Variants in RFX4 observed in about 807,000 individuals in gnomAD.
RFX4 encodes the protein transcription factor RFX4.
Under a neutral mutation model 95.0 loss-of-function variants are expected in RFX4, and 10 were observed. That is an observed-to-expected ratio of 0.11 (90% CI 0.06 to 0.18). The LOEUF is 0.18. Among genes scored for constraint, RFX4 ranks in the 10% least tolerant of loss-of-function variants. The probability of loss-of-function intolerance (pLI) is 1.00; values close to 1 mark genes in which losing one functional copy is unlikely to be tolerated. For missense variants in RFX4, 640 were observed against 922.0 expected, an observed-to-expected ratio of 0.69 and a Z score of 3.96; for synonymous variants, 321 against 340.7, an observed-to-expected ratio of 0.94 and a Z score of 0.64.
intron 5 of RFX4, 54 bp downstream of exon 5, chr12:106,682,108 A>C: frequency 1.3e-6 from 2 of 1,564,914 alleles, no homozygotes; most frequent in Non-Finnish European, 8.8e-7. Context: ...GGGCCTCGAG[A>C]CAGGCCACAC....
intron 1 of RFX4, among the ~76,000 whole-genome samples, chr12:106,583,917 G>A (rs989151798): frequency 1.3e-5 from 2 of 152,168 alleles, no homozygotes; most frequent in Admixed American, 1.3e-4. Context: ...CCGGTGGTCC[G>A]GGGGAATCCG....
Position 106,720,721 on chromosome 12 carries a change from C to G in RFX4, c.1234-38C>G. 1 of 1,577,454 alleles carries G rather than the reference C, an allele frequency of 6.3e-7. No individual in the cohort carries two copies. Among genetic ancestry groups the G allele is most frequent in the Non-Finnish European group, 8.7e-7 (1 of 1,146,840 alleles). ...AAAGAGACAGTAATAAATGAAAGGT[C>G]AAGTCGACCACTATTAAAGCCATTT... is the stretch of plus-strand genomic sequence containing the variant. On this transcript the variant is annotated intron_variant, in intron 12 of 17. Transcript: ENST00000392842. This position sits in a 1 kb window ranked among gnomAD's most constrained non-coding sequence, Gnocchi z 4.2.
At chr12:106,666,949 A>G (rs2041189067) in intron 4 of RFX4, among the ~76,000 whole-genome samples, 1 of 151,984 alleles carries the variant, frequency 6.6e-6, no homozygotes, top group African/African-American at 2.4e-5. Flanking sequence ...CATGCCTTGT[A>G]ATTCTTTCTT....
At chr12:106,695,094 C>A (rs931404061) in intron 7 of RFX4, among the ~76,000 whole-genome samples, 5 of 152,118 alleles carry the variant, frequency 3.3e-5, no homozygotes, top group African/African-American at 9.7e-5. Context: ...ACTAGAGGGA[C>A]TCAATTATCT....
chr12:106,699,557 G>A (rs2041946826), intron 8 of RFX4, among the ~76,000 whole-genome samples: 1 of 152,120 alleles, frequency 6.6e-6, no homozygotes, highest in South Asian at 2.1e-4. Context: ...TTTGCTTCAT[G>A]TATTTTGAAG....
chr12:106,609,236 G>A (rs2039905709), intron 2 of RFX4, among the ~76,000 whole-genome samples: 1 of 152,214 alleles, frequency 6.6e-6, no homozygotes, highest in Admixed American at 6.5e-5. Flanking sequence ...GTAAATATGG[G>A]TTCAAAGTAG....
At chr12:106,689,192 C>A in intron 6 of RFX4, 95 bp from the exon 7 acceptor site, 1 of 1,043,728 alleles carries the variant, frequency 9.6e-7, no homozygotes, top group Non-Finnish European at 1.5e-6. Context: ...ATCCCCCCCA[C>A]AGGGAAGAAA....
chr12:106,621,966 T>G (rs2040195526), intron 2 of RFX4, among the ~76,000 whole-genome samples: 1 of 152,224 alleles, frequency 6.6e-6, no homozygotes, highest in South Asian at 2.1e-4. Flanking sequence ...GTATATTTTA[T>G]CTAGCTTTTA....
chr12:106,615,950 A>C lies in RFX4; in HGVS notation c.130+7067A>C, dbSNP rs117590898. 2.8e-3 allele frequency among the ~76,000 whole-genome samples: 431 copies of C among 152,142 alleles called. 2 individuals carry two copies. Among genetic ancestry groups the C allele is most frequent in the Non-Finnish European group, 4.5e-3 (307 of 67,968 alleles). Reference sequence around the variant, plus strand: ...CTTCCTTTATAATCTTTGTATTTTTATTTCTTTTGTGTGTCTTATGTACTG... The same window carrying C: ...CTTCCTTTATAATCTTTGTATTTTTCTTTCTTTTGTGTGTCTTATGTACTG... On this transcript the variant is annotated intron_variant, in intron 2 of 17. Coordinates refer to ENST00000392842, the MANE Select transcript of RFX4 (RefSeq NM_213594.3).
rs377553797 is a variant in RFX4 at position 106,654,218 on chromosome 12, A to G, written c.192-10A>G. The G allele has an allele frequency of 2.5e-6, 4 of 1,613,718 alleles. No individual in the cohort carries two copies. The African/African-American group carries it at 5.3e-5, about 22-fold the overall frequency. On this transcript the variant is annotated splice_polypyrimidine_tract_variant and intron_variant, in intron 3 of 17. Transcript: ENST00000392842. ...CACATTTTTTGCTCATTGGGCGTTT[A>G]TTTCCCTAGGCTGGAGGAGAACTAT...
At chr12:106,588,211 C>T (rs1188754650) in intron 1 of RFX4, among the ~76,000 whole-genome samples, 1 of 152,186 alleles carries the variant, frequency 6.6e-6, no homozygotes, top group African/African-American at 2.4e-5. Flanking sequence ...TTTTAAGAGT[C>T]AATAACCATG....
At chr12:106,691,261 AG>A (rs1774951225) in intron 7 of RFX4, among the ~76,000 whole-genome samples, 1 of 152,224 alleles carries the variant, frequency 6.6e-6, no homozygotes. Context: ...GCCTGGTAAA[AG>A]CTCTTTGTAA....
chr12:106,720,261 A>G lies in RFX4; in HGVS notation c.1233+207A>G, dbSNP rs966428547. Among the ~76,000 whole-genome samples the G allele has an allele frequency of 6.6e-6, 1 of 152,220 alleles. No individual in the cohort carries two copies. The highest frequency in any genetic ancestry group is 2.4e-5 in the African/African-American group (1 of 41,450). ...TCAGCATCTCTTTTATCTGCTCTAT[A>G]CACTGAGTCTTGGTATAAGATTTCA... is the stretch of plus-strand genomic sequence containing the variant. On this transcript the variant is annotated intron_variant, in intron 12 of 17. Transcript: ENST00000392842. The surrounding 1 kb of genome is among the most constrained non-coding windows in gnomAD (Gnocchi z 4.2).
At chr12:106,699,288 A>G (rs1052023139) in intron 8 of RFX4, among the ~76,000 whole-genome samples, 7 of 152,184 alleles carry the variant, frequency 4.6e-5, no homozygotes, top group East Asian at 1.9e-4. Context: ...TAATATATCA[A>G]TTCTTTTAAG....
At chr12:106,612,046 C>T (rs907593615) in intron 2 of RFX4, among the ~76,000 whole-genome samples, 3 of 151,998 alleles carry the variant, frequency 2.0e-5, no homozygotes, top group African/African-American at 7.2e-5. Flanking sequence ...AATGTGTGAC[C>T]TTTCATGTTC....
chr12:106,717,545 G>A (rs2042318243), intron 11 of RFX4, among the ~76,000 whole-genome samples: 1 of 152,154 alleles, frequency 6.6e-6, no homozygotes, highest in African/African-American at 2.4e-5. Flanking sequence ...TCTTCTTCTG[G>A]GGAAGTAAAT....
chr12:106,753,574 C>T (rs893012861), intron 17 of RFX4, among the ~76,000 whole-genome samples: 1 of 152,160 alleles, frequency 6.6e-6, no homozygotes, highest in Non-Finnish European at 1.5e-5. Context: ...GAGGAGCTAC[C>T]TTCTCCTGAA....
intron 15 of RFX4, among the ~76,000 whole-genome samples, chr12:106,744,394 A>G (rs2042857008): frequency 6.6e-6 from 1 of 152,214 alleles, no homozygotes; most frequent in African/African-American, 2.4e-5. Context: ...TGCTATTCAA[A>G]TGTTTCATCC....
At chr12:106,700,411 T>C (rs945791358) in intron 8 of RFX4, among the ~76,000 whole-genome samples, 16 of 144,242 alleles carry the variant, frequency 1.1e-4, no homozygotes, top group East Asian at 2.0e-4. Flanking sequence ...TTCTTTTTTT[T>C]TTTTTTTTTT....
Sources: allele counts gnomAD v4.1 joint callset (sites outside exome capture counted in the v4.1 genomes callset), GRCh38; gene constraint gnomAD v4.1.1; non-coding constraint Gnocchi (gnomAD v3.1); transcripts MANE v1.5; gene names NCBI Gene and HGNC (gene_info 2026-07-23, HGNC 2026-07-21).